INPP4B: variants seen among roughly 807,000 people sequenced by gnomAD.
INPP4B encodes the protein inositol polyphosphate-4-phosphatase type II B.
Under a neutral mutation model 122.5 loss-of-function variants are expected in INPP4B, and 55 were observed. The observed-to-expected ratio is 0.45, with a 90% CI of 0.36 to 0.56. The LOEUF is 0.56. INPP4B is among the 20% of genes least tolerant of loss of function. The pLI is 0.00. For missense variants in INPP4B, 1,000 were observed against 1,097.7 expected (o/e 0.91, Z 1.26); for synonymous variants, 403 against 388.7 (o/e 1.04, Z -0.43).
chr4:142,086,014 A>G (rs1367740771), intron 24 of INPP4B, 130 bp downstream of exon 24: 2 of 668,610 alleles, frequency 3.0e-6, no homozygotes, highest in Non-Finnish European at 5.3e-6. Flanking sequence ...AAAATGCCTA[A>G]TCCATGGACT....
intron 2 of INPP4B, among the ~76,000 whole-genome samples, chr4:142,700,018 A>C (rs1761514759): frequency 6.6e-6 from 1 of 152,124 alleles, no homozygotes; most frequent in Non-Finnish European, 1.5e-5. Flanking sequence ...CAAAACAAAA[A>C]AATTTTATTC....
chr4:142,084,458 A>G (rs769133991), intron 24 of INPP4B, among the ~76,000 whole-genome samples: 5 of 152,204 alleles, frequency 3.3e-5, no homozygotes, highest in Non-Finnish European at 7.3e-5. Flanking sequence ...CATTAACTAA[A>G]GCAGTATTTC....
intron 2 of INPP4B, among the ~76,000 whole-genome samples, chr4:142,580,049 G>A (rs1456537881): frequency 1.3e-5 from 2 of 151,268 alleles, no homozygotes; most frequent in Non-Finnish European, 2.9e-5. Flanking sequence ...TGAAAATATG[G>A]TACAGAGGCA....
chr4:142,042,224 A>G (rs1347035262), intron 25 of INPP4B, among the ~76,000 whole-genome samples: 2 of 152,170 alleles, frequency 1.3e-5, no homozygotes, highest in African/African-American at 2.4e-5. Flanking sequence ...TAGCAAAGCA[A>G]CCAATGCACA....
intron 14 of INPP4B, among the ~76,000 whole-genome samples, chr4:142,206,587 G>A (rs2149499151): frequency 6.6e-6 from 1 of 151,982 alleles, no homozygotes; most frequent in South Asian, 2.1e-4. Flanking sequence ...CAATTCTAAA[G>A]CAGAACTGAG....
At chr4:142,508,170 C>T (rs13150669) in intron 2 of INPP4B, among the ~76,000 whole-genome samples, 4 of 152,108 alleles carry the variant, frequency 2.6e-5, no homozygotes, top group African/African-American at 7.2e-5. Context: ...CTAACTTCCA[C>T]GAGCTCCAAT....
intron 2 of INPP4B, among the ~76,000 whole-genome samples, chr4:142,581,697 A>C (rs552344680): frequency 6.6e-6 from 1 of 152,064 alleles, no homozygotes; most frequent in East Asian, 1.9e-4. Context: ...CATTATTTCC[A>C]ATAATTCATT....
At chr4:142,588,485 T>C (rs1198812036) in intron 2 of INPP4B, among the ~76,000 whole-genome samples, 1 of 151,574 alleles carries the variant, frequency 6.6e-6, no homozygotes, top group African/African-American at 2.4e-5. Flanking sequence ...AAGGTTAATA[T>C]ACAAAAGTCA....
intron 18 of INPP4B, among the ~76,000 whole-genome samples, chr4:142,133,011 C>CT (rs1802088305): frequency 1.3e-5 from 2 of 152,184 alleles, no homozygotes; most frequent in Non-Finnish European, 2.9e-5. Flanking sequence ...AAAGCCATCT[C>CT]TTAGTCCTCA....
At chr4:142,838,124 T>TCTAA (rs1395550839) in intron 1 of INPP4B, among the ~76,000 whole-genome samples, 1 of 151,862 alleles carries the variant, frequency 6.6e-6, no homozygotes, top group Admixed American at 6.6e-5. Flanking sequence ...ATAATTCAAT[T>TCTAA]GAATTGAACT....
chr4:142,578,374 G>T (rs1029611792), intron 2 of INPP4B, among the ~76,000 whole-genome samples: 1 of 151,942 alleles, frequency 6.6e-6, no homozygotes, highest in Non-Finnish European at 1.5e-5. Flanking sequence ...GTATTAGTCT[G>T]CTAGGGCTGC....
chr4:142,458,449 A>C (rs1479476152), intron 3 of INPP4B, among the ~76,000 whole-genome samples: 4 of 152,152 alleles, frequency 2.6e-5, no homozygotes, highest in African/African-American at 4.8e-5. Flanking sequence ...GTGAATAAAA[A>C]CAAAAAATAT....
chr4:142,247,870 A>G (rs1045916102), intron 11 of INPP4B, among the ~76,000 whole-genome samples: 1 of 152,210 alleles, frequency 6.6e-6, no homozygotes, highest in Non-Finnish European at 1.5e-5. Context: ...ATTATATTTG[A>G]AAATCTTTCT....
chr4:142,612,411 T>C (rs1009940523), intron 2 of INPP4B, among the ~76,000 whole-genome samples: 3 of 152,234 alleles, frequency 2.0e-5, no homozygotes, highest in African/African-American at 7.2e-5. Flanking sequence ...CCATTCTTTA[T>C]GTCTTAGTCC....
At chr4:142,296,401 G>A (rs760647881) in intron 9 of INPP4B, among the ~76,000 whole-genome samples, 3 of 152,166 alleles carry the variant, frequency 2.0e-5, no homozygotes, top group Non-Finnish European at 4.4e-5. Context: ...ATAGTAGGTA[G>A]TACAATGAGG....
chr4:142,370,279 C>A (rs1425462851), intron 7 of INPP4B, among the ~76,000 whole-genome samples: 6 of 151,996 alleles, frequency 3.9e-5, no homozygotes, highest in African/African-American at 1.4e-4. Context: ...GAATACTGAC[C>A]CACTCTCATG....
chr4:142,751,129 C>T (rs1769624861), intron 1 of INPP4B, among the ~76,000 whole-genome samples: 2 of 151,560 alleles, frequency 1.3e-5, no homozygotes, highest in South Asian at 4.2e-4. Flanking sequence ...AAAAAGGGGC[C>T]CATGTAAGCT....
rs1553969027 is a variant in INPP4B at position 142,097,225 on chromosome 4, T to TGTTATTTTA, written c.2374+10867_2374+10868insTAAAATAAC. Among the ~76,000 whole-genome samples the TGTTATTTTA allele has an allele frequency of 2.8e-3, 379 of 135,542 alleles. 2 individuals are homozygous for TGTTATTTTA. The highest frequency in any genetic ancestry group is 4.6e-3 in the Non-Finnish European group (297 of 64,362). 88.9% of individuals were successfully genotyped at this position (135,542 alleles called of 152,430 possible). On this transcript the variant is annotated intron_variant, in intron 23 of 25. Transcript: ENST00000262992. ...TCCATTTTTTGTTTATTTTATGTTA[T>TGTTATTTTA]TTTTATTTTATTTTATTTTATTTTA...
At chr4:142,301,149 T>C (rs148127762) in intron 9 of INPP4B, among the ~76,000 whole-genome samples, 137 of 152,256 alleles carry the variant, frequency 9.0e-4, no homozygotes, top group Non-Finnish European at 1.6e-3. Flanking sequence ...CTCTAATACT[T>C]AGACTGCATA....
Sources: allele counts gnomAD v4.1 joint callset (sites outside exome capture counted in the v4.1 genomes callset), GRCh38; gene constraint gnomAD v4.1.1; transcripts MANE v1.5; gene names NCBI Gene and HGNC (gene_info 2026-07-23, HGNC 2026-07-21).